The following CR1 variants were observed in gnomAD, a reference collection of about 807,000 sequenced individuals.
The protein encoded by CR1 is complement receptor type 1.
In CR1, 116 loss-of-function variants were observed where a neutral mutation model predicts 187.3. The ratio of observed to expected loss-of-function variants is 0.62; its 90% confidence interval spans 0.53 to 0.72. CR1 has a LOEUF of 0.72. CR1 is among the 30% of genes least tolerant of loss of function. CR1 has a pLI of 0.00. For synonymous variants in CR1, 576 were observed against 747.1 expected (o/e 0.77, Z 3.73); for missense variants, 1,731 against 2,110.7 (o/e 0.82, Z 3.52).
At chr1:207,582,860 C>T (rs2102346940) in intron 32 of CR1, among the ~76,000 whole-genome samples, 1 of 152,304 alleles carries the variant, frequency 6.6e-6, no homozygotes, top group Non-Finnish European at 1.5e-5. Context: ...TAGAATTTCC[C>T]TTAGCTGAAA....
intron 4 of CR1, among the ~76,000 whole-genome samples, chr1:207,521,807 A>AATATAT (rs3991753): frequency 3.8e-5 from 5 of 132,864 alleles, no homozygotes; most frequent in African/African-American, 1.1e-4. Flanking sequence ...ACATCTGGAT[A>AATATAT]ATATATATAT....
intron 35 of CR1, among the ~76,000 whole-genome samples, chr1:207,602,756 A>C (rs1661641854): frequency 6.6e-6 from 1 of 152,126 alleles, no homozygotes; most frequent in Non-Finnish European, 1.5e-5. Context: ...TGTTTACCTG[A>C]AAACCCGAAG....
At chr1:207,566,312 C>G (rs1369226662) in intron 24 of CR1, among the ~76,000 whole-genome samples, 1 of 149,314 alleles carries the variant, frequency 6.7e-6, no homozygotes, top group East Asian at 1.9e-4. Flanking sequence ...TCCTTCCTCC[C>G]TTCTTTCTTT....
At chr1:207,618,303 C>G (rs1018480767) in intron 42 of CR1, 56 bp downstream of exon 42, 10 of 1,506,116 alleles carry the variant, frequency 6.6e-6, no homozygotes, top group Non-Finnish European at 8.2e-6. Context: ...ATGCATGAGG[C>G]TTGTAAGGCT....
chr1:207,564,498 C>A (rs1391995270), intron 23 of CR1, among the ~76,000 whole-genome samples: 1 of 150,198 alleles, frequency 6.7e-6, no homozygotes, highest in Non-Finnish European at 1.5e-5. Flanking sequence ...ATATAGGTAA[C>A]ACATTAAGCA....
At chr1:207,525,058 G>T (rs1457999173) in intron 5 of CR1, among the ~76,000 whole-genome samples, 1 of 151,242 alleles carries the variant, frequency 6.6e-6, no homozygotes, top group Non-Finnish European at 1.5e-5. Context: ...TGCTTGGCAG[G>T]AGAGAGAGAG....
In CR1 at chr1:207,542,591, CTG is replaced by C. The variant is rs1398057083; in HGVS notation, c.2236+12_2236+13del. The C allele has an allele frequency of 2.5e-6, 1 of 406,494 alleles. No homozygotes were observed. Among genetic ancestry groups the C allele is most frequent in the East Asian group, 4.4e-5 (1 of 22,806 alleles). The allele number at this position is 406,494 out of a possible 1,614,324, so 25.2% of individuals were successfully genotyped here. On this transcript the variant is annotated intron_variant, in intron 13 of 46. Coordinates refer to ENST00000367049, the MANE Select transcript of CR1 (RefSeq NM_000651.6). ...CAAGCTGCTCCAGGGGTGAGTCTGA[CTG>C]AGGCCTAGTAGGGCCCTGCAAGTGA... is the stretch of plus-strand genomic sequence containing the variant.
rs113566146 is a variant in CR1, at chr1:207,511,737, C to T, written c.487+83C>T. 4,849 of 1,345,582 alleles carry T rather than the reference C, an allele frequency of 3.6e-3. 113 individuals carry two copies. The African/African-American group carries it at 0.058, about 16-fold the overall frequency. The allele number at this position is 1,345,582 out of a possible 1,614,324, so 83.4% of individuals were successfully genotyped here. ...AATAATAAAAATCTTAACTGAATTCCTTCTGTGCAATCTGTCCTTCACACG... is the reference window on the plus strand; with the variant it reads ...AATAATAAAAATCTTAACTGAATTCTTTCTGTGCAATCTGTCCTTCACACG... On this transcript the variant is annotated intron_variant, in intron 4 of 46. Transcript: ENST00000367049.
intron 45 of CR1, among the ~76,000 whole-genome samples, chr1:207,627,928 T>A (rs561484574): frequency 6.6e-6 from 1 of 152,256 alleles, no homozygotes; most frequent in South Asian, 2.1e-4. Context: ...GCTCTCCTGG[T>A]CTCTTTTCTA....
rs1276305457 is a variant in CR1, at chr1:207,564,001, C to A, written c.3724C>A (p.Pro1242Thr). Residue 1242 changes from proline to threonine, a missense_variant, in exon 22 of 47, where the codon CCC becomes ACC. Transcript: ENST00000367049. Reference protein sequence around the residue: ...LRGAASMRCTPQGDWSPAAPT... With the variant: ...LRGAASMRCTTQGDWSPAAPT... The stretch of plus-strand genomic sequence containing the variant: ...AGGGGCTGCGTCTATGCGCTGCACA[C>A]CCCAGGGAGACTGGAGCCCTGCAGC... 25 of 1,524,646 alleles carry A rather than the reference C, an allele frequency of 1.6e-5. 3 individuals are homozygous for A. The highest frequency in any genetic ancestry group is 2.2e-5 in the Non-Finnish European group (25 of 1,150,320). 94.4% of individuals were successfully genotyped at this position (1,524,646 alleles called of 1,614,324 possible). A position where few individuals can be genotyped will look rare whatever the true frequency, so the allele number is the denominator to read the frequency against.
chr1:207,622,296 G>A (rs1662337690), intron 44 of CR1, among the ~76,000 whole-genome samples: 1 of 152,164 alleles, frequency 6.6e-6, no homozygotes, highest in Admixed American at 6.5e-5. Flanking sequence ...GAATGTGGTG[G>A]GAGAATGCAA....
At chr1:207,580,490 T>C (rs754092831) in intron 30 of CR1, 21 bp from the exon 31 acceptor site, 130 of 1,587,944 alleles carry the variant, frequency 8.2e-5, no homozygotes, top group Non-Finnish European at 1.1e-4. Flanking sequence ...TTTTTTCTTT[T>C]TTTTTTTTTT....
At chr1:207,625,515 C>T (rs1662453284) in intron 45 of CR1, among the ~76,000 whole-genome samples, 1 of 152,220 alleles carries the variant, frequency 6.6e-6, no homozygotes, top group East Asian at 1.9e-4. Flanking sequence ...GTTCTTCCTG[C>T]CTGTCATACA....
At position 207,577,825 on chromosome 1, in the gene CR1, C is replaced by G. The variant is rs756968920; in HGVS notation, c.4558C>G (p.Pro1520Ala). The G allele has an allele frequency of 6.2e-7, 1 of 1,613,870 alleles. No homozygotes were observed. Among genetic ancestry groups the G allele is most frequent in the Admixed American group, 1.7e-5 (1 of 60,016 alleles). ...ICQRIPCGLPPTIANGDFIST... is the reference protein window; with the variant it reads ...ICQRIPCGLPATIANGDFIST... Reference sequence around the variant, plus strand: ...TCCAGGAATTCCTTGTGGGCTACCCCCAACCATCGCCAATGGAGATTTCAT... The same window carrying G: ...TCCAGGAATTCCTTGTGGGCTACCCGCAACCATCGCCAATGGAGATTTCAT... Residue 1520 changes from proline to alanine, a missense_variant, in exon 29 of 47, where the codon CCA becomes GCA. Physicochemically the swap from Pro to Ala is conservative, Grantham distance 27 (BLOSUM62 -1). Coordinates refer to ENST00000367049, the MANE Select transcript of CR1 (RefSeq NM_000651.6).
intron 4 of CR1, among the ~76,000 whole-genome samples, chr1:207,515,684 C>G (rs561549734): frequency 1.3e-5 from 2 of 152,096 alleles, no homozygotes; most frequent in African/African-American, 4.8e-5. Context: ...TACCTTTTCA[C>G]GTTTGTGAAG....
At chr1:207,611,119 T>C (rs1257250455) in intron 37 of CR1, among the ~76,000 whole-genome samples, 1 of 151,226 alleles carries the variant, frequency 6.6e-6, no homozygotes, top group African/African-American at 2.4e-5. Context: ...TCTTGATGCC[T>C]CCTCTTTTCT....
chr1:207,567,194 G>A lies in CR1; in HGVS notation c.3953-630G>A, dbSNP rs1371718119. On this transcript the variant is annotated intron_variant, in intron 24 of 46. Transcript: ENST00000367049. ...AACAACTTGAAACCTGACCCAGAGA[G>A]TAAAAAGAGAAAATAAATCATCAAC... 2.0e-5 allele frequency among the ~76,000 whole-genome samples: 3 copies of A among 149,016 alleles called. 1 individual carries two copies. The highest frequency in any genetic ancestry group is 3.9e-4 in the East Asian group (2 of 5,176).
In CR1 at chr1:207,607,383, C is replaced by T. The variant is rs757347622; in HGVS notation, c.5896+47C>T. The T allele has an allele frequency of 5.5e-5, 77 of 1,412,348 alleles. No homozygotes were observed. The East Asian group carries it at 1.1e-3, about 20-fold the overall frequency. The allele number at this position is 1,412,348 out of a possible 1,614,324, so 87.5% of individuals were successfully genotyped here. A position where few individuals can be genotyped will look rare whatever the true frequency, so the allele number is the denominator to read the frequency against. On this transcript the variant is annotated intron_variant, in intron 36 of 46. Coordinates refer to ENST00000367049, the MANE Select transcript of CR1 (RefSeq NM_000651.6). ...CACAAATTCCTCTGTGTGATCCTGA[C>T]TTGCCCCTGGAGTACAAAGAATAAA... is the stretch of plus-strand genomic sequence containing the variant.
chr1:207,580,369 A>C lies in CR1; in HGVS notation c.5066A>C (p.His1689Pro). 6.2e-7 allele frequency: 1 copy of C among 1,613,920 alleles called. No individual in the cohort carries two copies. The highest frequency in any genetic ancestry group is 8.5e-7 in the Non-Finnish European group (1 of 1,179,850). ...GYDLRGAASL[H>P]CTPQGDWSPE... The stretch of plus-strand genomic sequence containing the variant: ...GACCTCAGAGGGGCTGCGTCTCTGC[A>C]CTGCACACCCCAGGGAGACTGGAGC... Residue 1689 changes from histidine to proline, a missense_variant, in exon 30 of 47, where the codon CAC (histidine) becomes CCC (proline). His to Pro is a moderately conservative substitution (Grantham distance 77). Around this residue, in one of 5 missense-constraint regions of CR1, gnomAD observed 1,312 missense variants for 1,379.6 expected, o/e 0.95. Transcript: ENST00000367049.
Sources: allele counts gnomAD v4.1 joint callset (sites outside exome capture counted in the v4.1 genomes callset), GRCh38; gene constraint gnomAD v4.1.1; regional missense constraint gnomAD v4.1.1; transcripts MANE v1.5; gene names NCBI Gene and HGNC (gene_info 2026-07-23, HGNC 2026-07-21).